Variants in ACOX1 observed in about 807,000 individuals in gnomAD.
ACOX1 encodes the protein peroxisomal acyl-coenzyme A oxidase 1.
A neutral mutation model predicts 75.5 loss-of-function variants in ACOX1; 41 were observed. The ratio of observed to expected loss-of-function variants is 0.54; its 90% CI spans 0.42 to 0.70. The LOEUF (loss-of-function observed/expected upper bound fraction) is 0.70. ACOX1 is among the 30% of genes least tolerant of loss of function. ACOX1 has a pLI of 0.00. For missense variants in ACOX1, 630 were observed against 837.5 expected, an observed-to-expected ratio of 0.75 and a Z score of 3.06; for synonymous variants, 303 against 298.8, an observed-to-expected ratio of 1.01 and a Z score of -0.15.
intron 2 of ACOX1, among the ~76,000 whole-genome samples, chr17:75,965,337 C>CAAAAAAAAAAAAAAAAAAAAAAAAAAA (rs11293371): frequency 9.8e-5 from 8 of 81,710 alleles, no homozygotes; most frequent in South Asian, 4.3e-4. Flanking sequence ...GACTCTGTCT[C>CAAAAAAAAAAAAAAAAAAAAAAAAAAA]AAAAAAAAAA....
At chr17:75,969,509 G>C (rs2065973162) in intron 2 of ACOX1, among the ~76,000 whole-genome samples, 1 of 152,050 alleles carries the variant, frequency 6.6e-6, no homozygotes, top group South Asian at 2.1e-4. Context: ...CACTAATATT[G>C]GTGAAATTTA....
At position 75,956,913 on chromosome 17, in the gene ACOX1, CTCTCTCTCTCTCTCTCTCTCT is replaced by C. The variant is rs2065829782; in HGVS notation, c.538+525_538+545del. Reference sequence around the variant, plus strand: ...ATGTGCCGCTATGCCTGGCTTTCCTCTCTCTCTCTCTCTCTCTCTCTCTCTCTCTCTCTCTCTCTCTCTCTC... The same window carrying C: ...ATGTGCCGCTATGCCTGGCTTTCCTCCTCTCTCTCTCTCTCTCTCTCTCTC... On this transcript the variant is annotated intron_variant, in intron 4 of 13. Transcript: ENST00000293217. 1.1e-3 allele frequency among the ~76,000 whole-genome samples: 48 copies of C among 42,936 alleles called. 3 individuals carry two copies. Among genetic ancestry groups the C allele is most frequent in the Middle Eastern group, 0.025 (2 of 80 alleles). 28.2% of individuals were successfully genotyped at this position (42,936 alleles called of 152,430 possible).
rs2065882231 is a variant in ACOX1 at position 75,960,999 on chromosome 17, TAA to T, written c.270-626_270-625del. Among the ~76,000 whole-genome samples, 3 of 148,898 alleles carry T rather than the reference TAA, an allele frequency of 2.0e-5. No individual in the cohort carries two copies. In the South Asian group the frequency reaches 6.4e-4, roughly 32 times the overall value. The stretch of plus-strand genomic sequence containing the variant: ...GTCTCAAAAAAAATAAATAAATAAA[TAA>T]GAGAGAATTGGCCAGGTGCAGTGGC... On this transcript the variant is annotated intron_variant, in intron 2 of 13. Transcript: ENST00000293217. The surrounding 1 kb of genome is among the most constrained non-coding windows in gnomAD (Gnocchi z 4.4).
At chr17:75,967,306 T>C (rs1471519393) in intron 2 of ACOX1, among the ~76,000 whole-genome samples, 1 of 151,718 alleles carries the variant, frequency 6.6e-6, no homozygotes, top group Non-Finnish European at 1.5e-5. Flanking sequence ...CCATCTCTAC[T>C]AAAAATACAA....
Position 75,960,419 on chromosome 17 carries a change from C to T in ACOX1, c.270-44G>A. The T allele has an allele frequency of 6.3e-7, 1 of 1,599,674 alleles. No individual in the cohort carries two copies. Among genetic ancestry groups the T allele is most frequent in the Non-Finnish European group, 8.5e-7 (1 of 1,172,916 alleles). ...GATGGGCATTTGAGAGAAGAGTCAT[C>T]AGGTGTGAGAGAATCAGCAATTTAA... is the stretch of plus-strand genomic sequence containing the variant. On this transcript the variant is annotated intron_variant, in intron 2 of 13. Transcript: ENST00000293217. The surrounding 1 kb of genome is among the most constrained non-coding windows in gnomAD (Gnocchi z 4.4).
chr17:75,955,171 CTTT>C (rs57362791), intron 6 of ACOX1, among the ~76,000 whole-genome samples: 1 of 146,084 alleles, frequency 6.8e-6, no homozygotes, highest in Non-Finnish European at 1.5e-5. Flanking sequence ...GCCCAGCCTC[CTTT>C]TTTTTTTTGA....
In ACOX1 at chr17:75,951,501, A is replaced by G. The variant is rs1357919900; in HGVS notation, c.1021T>C (p.Phe341Leu). ...LFPLLATAYA[F>L]QFVGAYMKET... Reference sequence around the variant, plus strand: ...TTCATGTATGCGCCCACAAACTGGAAGGCATAGGCAGTGGCCAGGAGTGGA... The same window carrying G: ...TTCATGTATGCGCCCACAAACTGGAGGGCATAGGCAGTGGCCAGGAGTGGA... The change falls in exon 8 of 14, where the codon TTC becomes CTC. Residue 341 changes from phenylalanine (F) to leucine (L), a missense_variant. Phe to Leu is a conservative substitution (Grantham distance 22). This residue lies in a region of ACOX1 where 390 missense variants were observed against 574.9 expected (regional missense o/e 0.68). Coordinates refer to ENST00000293217, the MANE Select transcript of ACOX1 (RefSeq NM_004035.7). 6.8e-6 allele frequency: 11 copies of G among 1,614,178 alleles called. No individual in the cohort carries two copies. The East Asian group carries it at 2.5e-4, about 36-fold the overall frequency.
Position 75,973,650 on chromosome 17 carries a change from G to T in ACOX1, c.269+4884C>A, listed in dbSNP as rs770381989. 12 of 1,614,218 alleles carry T rather than the reference G, an allele frequency of 7.4e-6. No individual in the cohort carries two copies. The East Asian group carries it at 2.7e-4, about 36-fold the overall frequency. ...CGTGGCCCATTTCCGTCTGGGCGTA[G>T]GTGCCAATTATCTGGAGTCCTTTGG... On this transcript the variant is annotated intron_variant, in intron 2 of 13. Coordinates refer to ENST00000293217, the MANE Select transcript of ACOX1 (RefSeq NM_004035.7).
Position 75,955,648 on chromosome 17 carries a change from C to T in ACOX1, c.692G>A (p.Gly231Asp). The T allele has an allele frequency of 6.2e-7, 1 of 1,614,180 alleles. No individual in the cohort carries two copies. Among genetic ancestry groups the T allele is most frequent in the Non-Finnish European group, 8.5e-7 (1 of 1,180,034 alleles). ...GTAGCCATTGTCTATCTCATCATAA[C>T]CAAATTTGGGGCCGATGTCACCAAC... ...ITVGDIGPKF[G>D]YDEIDNGYLK... Residue 231 changes from glycine to aspartate, a missense_variant, in exon 6 of 14, where the codon GGT becomes GAT. Gly to Asp is a moderately conservative substitution (Grantham distance 94). Transcript: ENST00000293217.
intron 7 of ACOX1, chr17:75,953,107 T>G (rs2065789475): frequency 7.2e-6 from 2 of 277,774 alleles, no homozygotes; most frequent in African/African-American, 2.2e-5. Flanking sequence ...CAATTTACAG[T>G]TGCTAGTAGT....
chr17:75,952,130 C>T (rs2144244440), intron 7 of ACOX1, among the ~76,000 whole-genome samples: 1 of 152,232 alleles, frequency 6.6e-6, no homozygotes, highest in East Asian at 1.9e-4. Flanking sequence ...CGCTAGTCAA[C>T]CTAATAAGAA....
At position 75,960,656 on chromosome 17, in the gene ACOX1, C is replaced by A. The variant is rs7219716; in HGVS notation, c.270-281G>T. On this transcript the variant is annotated intron_variant, in intron 2 of 13. Coordinates refer to ENST00000293217, the MANE Select transcript of ACOX1 (RefSeq NM_004035.7). This position sits in a 1 kb window ranked among gnomAD's most constrained non-coding sequence, Gnocchi z 4.4. Reference sequence around the variant, plus strand: ...CCACACGTGCAAGGCAGAGGATCCTCGCCCAGGAATTAAATCAAAGGAAAT... The same window carrying A: ...CCACACGTGCAAGGCAGAGGATCCTAGCCCAGGAATTAAATCAAAGGAAAT... Among the ~76,000 whole-genome samples, 33,847 of 152,108 alleles carry A rather than the reference C, an allele frequency of 0.22. 5,393 individuals carry two copies. The highest frequency in any genetic ancestry group is 0.46 in the African/African-American group (18,880 of 41,448).
At chr17:75,972,101 G>A (rs1274470985) in intron 2 of ACOX1, among the ~76,000 whole-genome samples, 1 of 152,076 alleles carries the variant, frequency 6.6e-6, no homozygotes, top group East Asian at 1.9e-4. Flanking sequence ...GACTTTGGGA[G>A]GGCAGATCAC....
rs1309100195 is a variant in ACOX1 at position 75,978,615 on chromosome 17, G to C, written c.188C>G (p.Ala63Gly). 2 of 1,614,182 alleles carry C rather than the reference G, an allele frequency of 1.2e-6. No homozygotes were observed. Among genetic ancestry groups the C allele is most frequent in the Non-Finnish European group, 1.7e-6 (2 of 1,180,030 alleles). ...CACCATGATGGCACTTTTCCTGACA[G>C]CCACCTCATAACGCTGGCTGCGAGT... Reference protein sequence around the residue: ...FLTRSQRYEVAVRKSAIMVKK... With the variant: ...FLTRSQRYEVGVRKSAIMVKK... Residue 63 changes from alanine (A) to glycine (G), a missense_variant, in exon 2 of 14, where the codon GCT becomes GGT. Physicochemically the swap from Ala to Gly is moderately conservative, Grantham distance 60. Transcript: ENST00000293217. This position sits in a 1 kb window ranked among gnomAD's most constrained non-coding sequence, Gnocchi z 4.2.
chr17:75,977,480 C>T (rs76712626), intron 2 of ACOX1, among the ~76,000 whole-genome samples: 3 of 151,968 alleles, frequency 2.0e-5, no homozygotes, highest in South Asian at 2.1e-4. Context: ...GCAGGAGAAT[C>T]GCTTGAATCC....
chr17:75,949,751 C>G lies in ACOX1; in HGVS notation c.1445G>C (p.Ser482Thr). 1 of 1,614,138 alleles carries G rather than the reference C, an allele frequency of 6.2e-7. No homozygotes were observed. Among genetic ancestry groups the G allele is most frequent in the Non-Finnish European group, 8.5e-7 (1 of 1,180,024 alleles). The change falls in exon 10 of 14, where the codon AGC becomes ACC. Residue 482 changes from serine to threonine, a missense_variant. This residue lies in a region of ACOX1 where 240 missense variants were observed against 262.7 expected (regional missense o/e 0.91). Coordinates refer to ENST00000293217, the MANE Select transcript of ACOX1 (RefSeq NM_004035.7). ...PTMVDINSPE[S>T]LTEAYKLRAA... ...ACGGAGTTTATATGCTTCGGTTAGG[C>G]TTTCGGGGCTGTTGATATCCACCAT... is the stretch of plus-strand genomic sequence containing the variant.
intron 4 of ACOX1, among the ~76,000 whole-genome samples, chr17:75,956,969 CTCTATATATATATA>C (rs1555617518): frequency 4.1e-3 from 37 of 9,016 alleles, no homozygotes; most frequent in Non-Finnish European, 5.5e-3. Flanking sequence ...CTCTCTCTCT[CTCTATATATATATA>C]TATATATATA....
At chr17:75,973,045 C>A (rs1157394194) in intron 2 of ACOX1, among the ~76,000 whole-genome samples, 1 of 152,122 alleles carries the variant, frequency 6.6e-6, no homozygotes, top group Non-Finnish European at 1.5e-5. Flanking sequence ...TTGAAGGAAG[C>A]CAGATATTTA....
chr17:75,975,050 CAAAAAAAAAAAAAAA>C (rs1022347068), intron 2 of ACOX1, among the ~76,000 whole-genome samples: 3 of 40,272 alleles, frequency 7.4e-5, no homozygotes, highest in Non-Finnish European at 1.4e-4. Flanking sequence ...ACTCTGTCTC[CAAAAAAAAAAAAAAA>C]AAAAAAAAGA....
Sources: allele counts gnomAD v4.1 joint callset (sites outside exome capture counted in the v4.1 genomes callset), GRCh38; gene constraint gnomAD v4.1.1; regional missense constraint gnomAD v4.1.1; non-coding constraint Gnocchi (gnomAD v3.1); transcripts MANE v1.5; gene names NCBI Gene and HGNC (gene_info 2026-07-23, HGNC 2026-07-21).